ANKRD6: variants seen among roughly 807,000 people sequenced by gnomAD.
The protein encoded by ANKRD6 is ankyrin repeat domain-containing protein 6.
A neutral mutation model predicts 82.3 loss-of-function variants in ANKRD6; 56 were observed. The observed-to-expected ratio is 0.68, with a 90% CI of 0.55 to 0.85. The LOEUF (loss-of-function observed/expected upper bound fraction) is 0.85. Ranked by LOEUF, ANKRD6 falls within the 40% of genes least tolerant of loss-of-function variation. ANKRD6 has a pLI of 0.00. For synonymous variants in ANKRD6, 347 were observed against 352.1 expected (o/e 0.99, Z 0.16); for missense variants, 852 against 907.6 (o/e 0.94, Z 0.79).
chr6:89,459,648 T>C (rs1773891853), intron 1 of ANKRD6, among the ~76,000 whole-genome samples: 1 of 152,160 alleles, frequency 6.6e-6, no homozygotes, highest in African/African-American at 2.4e-5. Flanking sequence ...TATACAGGTG[T>C]GTGCCACCAT....
rs1800418426 is a variant in ANKRD6 at position 89,612,263 on chromosome 6, C to T, written c.418-9C>T. On this transcript the variant is annotated splice_polypyrimidine_tract_variant and intron_variant, in intron 5 of 15. Coordinates refer to ENST00000339746, the MANE Select transcript of ANKRD6 (RefSeq NM_001242809.2). The stretch of plus-strand genomic sequence containing the variant: ...TAATATGTCCTCCCTCTCTCTGCCT[C>T]TCTCCAAGGCGGGGAACACAGCTCT... 18 of 1,553,828 alleles carry T rather than the reference C, an allele frequency of 1.2e-5. No individual in the cohort carries two copies. Among genetic ancestry groups the T allele is most frequent in the Non-Finnish European group, 1.6e-5 (18 of 1,147,742 alleles).
intron 1 of ANKRD6, among the ~76,000 whole-genome samples, chr6:89,551,788 A>G (rs1785883992): frequency 1.3e-5 from 2 of 152,212 alleles, no homozygotes; most frequent in South Asian, 4.1e-4. Context: ...TTTTTGTTGT[A>G]GAAATAATTT....
intron 1 of ANKRD6, among the ~76,000 whole-genome samples, chr6:89,450,043 A>G (rs72912535): frequency 0.097 from 14,768 of 152,232 alleles, 957 homozygotes; most frequent in Middle Eastern, 0.2. Context: ...AATCTCATTA[A>G]AGAAAGAATC....
chr6:89,593,231 A>G (rs571183468), intron 2 of ANKRD6, among the ~76,000 whole-genome samples: 31 of 152,246 alleles, frequency 2.0e-4, no homozygotes, highest in Non-Finnish European at 1.5e-5. Flanking sequence ...TCCTCATGTG[A>G]TGAACTCCCC....
intron 5 of ANKRD6, among the ~76,000 whole-genome samples, chr6:89,608,368 C>CACACACACACACACACACACTATA: frequency 5.4e-5 from 7 of 130,748 alleles, no homozygotes; most frequent in African/African-American, 2.1e-4. Flanking sequence ...CACACACACA[C>CACACACACACACACACACACTATA]TATATATATA....
At chr6:89,450,932 TC>T (rs1772733819) in intron 1 of ANKRD6, among the ~76,000 whole-genome samples, 1 of 152,226 alleles carries the variant, frequency 6.6e-6, no homozygotes. Context: ...ATTGTGTGAC[TC>T]ATTTTATTGT....
At chr6:89,449,238 C>T (rs1488025699) in intron 1 of ANKRD6, among the ~76,000 whole-genome samples, 7 of 152,018 alleles carry the variant, frequency 4.6e-5, no homozygotes, top group African/African-American at 7.2e-5. Flanking sequence ...TTCCAACCCT[C>T]GGGTCACTTT....
intron 1 of ANKRD6, among the ~76,000 whole-genome samples, chr6:89,526,845 G>A (rs1408518803): frequency 6.6e-6 from 1 of 152,206 alleles, no homozygotes; most frequent in East Asian, 1.9e-4. Flanking sequence ...CCAAGGGCAG[G>A]AGAAAATTCC....
chr6:89,436,922 A>G (rs888779443), intron 1 of ANKRD6, among the ~76,000 whole-genome samples: 2 of 152,164 alleles, frequency 1.3e-5, no homozygotes, highest in African/African-American at 4.8e-5. Flanking sequence ...TCTCTTTTAT[A>G]GGGAAGTGTC....
chr6:89,572,558 T>G (rs1442755422), intron 2 of ANKRD6, among the ~76,000 whole-genome samples: 1 of 152,272 alleles, frequency 6.6e-6, no homozygotes, highest in Non-Finnish European at 1.5e-5. Flanking sequence ...ATTTTTGCTT[T>G]TATTACCTGT....
At chr6:89,586,898 G>A (rs1297545722) in intron 2 of ANKRD6, among the ~76,000 whole-genome samples, 2 of 151,990 alleles carry the variant, frequency 1.3e-5, no homozygotes, top group African/African-American at 4.8e-5. Context: ...TACCTCAAAA[G>A]GAATTCTTGG....
chr6:89,448,127 G>A (rs1336284729), intron 1 of ANKRD6, among the ~76,000 whole-genome samples: 1 of 152,058 alleles, frequency 6.6e-6, no homozygotes, highest in Non-Finnish European at 1.5e-5. Flanking sequence ...GAAAATCCTA[G>A]GACATTTTAA....
intron 1 of ANKRD6, among the ~76,000 whole-genome samples, chr6:89,517,625 G>A (rs1332229617): frequency 1.3e-5 from 2 of 152,238 alleles, no homozygotes; most frequent in African/African-American, 4.8e-5. Flanking sequence ...AGTCCACATA[G>A]ATTGTTTAAT....
intron 1 of ANKRD6, among the ~76,000 whole-genome samples, chr6:89,541,223 G>A (rs1006925305): frequency 6.6e-6 from 1 of 151,946 alleles, no homozygotes; most frequent in African/African-American, 2.4e-5. Flanking sequence ...GGGTAGTATG[G>A]ACATTTTAAC....
intron 1 of ANKRD6, among the ~76,000 whole-genome samples, chr6:89,517,495 A>G (rs1781370001): frequency 6.6e-6 from 1 of 152,226 alleles, no homozygotes; most frequent in Non-Finnish European, 1.5e-5. Context: ...AGTTGTGCCC[A>G]TTATTAGTTT....
At chr6:89,590,098 G>C (rs1794583039) in intron 2 of ANKRD6, among the ~76,000 whole-genome samples, 1 of 152,218 alleles carries the variant, frequency 6.6e-6, no homozygotes. Flanking sequence ...TGGAATTATA[G>C]AGGATATTCT....
rs1237017570 is a variant in ANKRD6, at chr6:89,624,577, CAAGCTGGAG to C, written c.1260_1268del (p.Lys420_Glu422del). ...GTTGTCGATGTGAACCTCTAATCAACAAGCTGGAGAATCAGTTGGAGGCTACTGTGGAGG... is the reference window on the plus strand; with the variant it reads ...GTTGTCGATGTGAACCTCTAATCAACAATCAGTTGGAGGCTACTGTGGAGG... On this transcript the variant is annotated inframe_deletion, in exon 13 of 16. Transcript: ENST00000339746. 6.4e-7 allele frequency: 1 copy of C among 1,555,804 alleles called. No homozygotes were observed. Among genetic ancestry groups the C allele is most frequent in the African/African-American group, 1.4e-5 (1 of 73,236 alleles).
intron 1 of ANKRD6, among the ~76,000 whole-genome samples, chr6:89,564,692 C>T (rs960908766): frequency 6.6e-6 from 1 of 152,174 alleles, no homozygotes; most frequent in Non-Finnish European, 1.5e-5. Flanking sequence ...AAACCTCTAC[C>T]CTCAGGGGCT....
chr6:89,468,085 T>C (rs931541931), intron 1 of ANKRD6, among the ~76,000 whole-genome samples: 2 of 152,152 alleles, frequency 1.3e-5, no homozygotes, highest in African/African-American at 4.8e-5. Context: ...AGAAAGAAAT[T>C]AGGCGACCCA....
Sources: allele counts gnomAD v4.1 joint callset (sites outside exome capture counted in the v4.1 genomes callset), GRCh38; gene constraint gnomAD v4.1.1; transcripts MANE v1.5; gene names NCBI Gene and HGNC (gene_info 2026-07-23, HGNC 2026-07-21).